The following SLC2A13 variants were observed in gnomAD, a reference collection of about 807,000 sequenced individuals.
SLC2A13 encodes proton myo-inositol cotransporter.
In SLC2A13, 32 loss-of-function variants were observed where a neutral mutation model predicts 64.4. That is an observed-to-expected ratio of 0.50 (90% confidence interval 0.37 to 0.67). SLC2A13 has a LOEUF of 0.67. Ranked by LOEUF, SLC2A13 falls within the 30% of genes least tolerant of loss-of-function variation. The pLI is 0.00. For missense variants in SLC2A13, 743 were observed against 829.2 expected (o/e 0.90, Z 1.28); for synonymous variants, 338 against 327.1 (o/e 1.03, Z -0.36).
chr12:39,828,926 T>C (rs2135845052), intron 7 of SLC2A13, among the ~76,000 whole-genome samples: 1 of 152,254 alleles, frequency 6.6e-6, no homozygotes, highest in African/African-American at 2.4e-5. Flanking sequence ...ATATTTAAAA[T>C]GTGGTCTGGA....
chr12:39,766,428 A>C (rs1314488410), intron 7 of SLC2A13, among the ~76,000 whole-genome samples: 1 of 152,098 alleles, frequency 6.6e-6, no homozygotes, highest in Non-Finnish European at 1.5e-5. Flanking sequence ...GCTAACGATC[A>C]TCTGCACCTT....
At chr12:39,778,567 T>G (rs1940861537) in intron 7 of SLC2A13, among the ~76,000 whole-genome samples, 1 of 152,238 alleles carries the variant, frequency 6.6e-6, no homozygotes, top group Non-Finnish European at 1.5e-5. Context: ...TTATTTTGTG[T>G]TATTTTGGTT....
At chr12:39,918,778 C>T (rs1178500214) in intron 4 of SLC2A13, among the ~76,000 whole-genome samples, 1 of 151,256 alleles carries the variant, frequency 6.6e-6, no homozygotes, top group Non-Finnish European at 1.5e-5. Context: ...CCTATAGTTC[C>T]AGCTACTTGG....
At chr12:39,884,507 A>G (rs1259442529) in intron 4 of SLC2A13, among the ~76,000 whole-genome samples, 1 of 152,232 alleles carries the variant, frequency 6.6e-6, no homozygotes, top group Non-Finnish European at 1.5e-5. Flanking sequence ...TTCATAGAAA[A>G]TAAGTACATC....
At chr12:40,048,841 T>C (rs2136238025) in intron 1 of SLC2A13, among the ~76,000 whole-genome samples, 1 of 152,290 alleles carries the variant, frequency 6.6e-6, no homozygotes, top group South Asian at 2.1e-4. Context: ...AGTTCTAACT[T>C]CACTGATAAC....
At chr12:39,979,849 G>GC (rs1946854767) in intron 3 of SLC2A13, among the ~76,000 whole-genome samples, 1 of 125,704 alleles carries the variant, frequency 8.0e-6, no homozygotes, top group African/African-American at 3.1e-5. Context: ...CTCGAGAAGA[G>GC]CAACTCCAAG....
At chr12:39,875,208 G>C (rs150810348) in intron 4 of SLC2A13, among the ~76,000 whole-genome samples, 4 of 152,178 alleles carry the variant, frequency 2.6e-5, no homozygotes, top group African/African-American at 9.7e-5. Context: ...TGTCAGTAGA[G>C]CTCTGTCCCT....
chr12:39,956,429 C>G (rs1306055487), intron 3 of SLC2A13, among the ~76,000 whole-genome samples: 1 of 152,134 alleles, frequency 6.6e-6, no homozygotes, highest in African/African-American at 2.4e-5. Context: ...GCTTTAAATA[C>G]ATGCTTTTTA....
intron 1 of SLC2A13, among the ~76,000 whole-genome samples, chr12:40,081,097 T>C (rs1419386844): frequency 1.3e-5 from 2 of 152,214 alleles, no homozygotes; most frequent in Non-Finnish European, 2.9e-5. Flanking sequence ...ATTCTCTTTG[T>C]ATATGACCTG....
intron 7 of SLC2A13, among the ~76,000 whole-genome samples, chr12:39,817,582 G>A (rs1942374080): frequency 6.6e-6 from 1 of 152,152 alleles, no homozygotes; most frequent in Non-Finnish European, 1.5e-5. Flanking sequence ...AAGGGGGTTA[G>A]TGAAACAAAG....
chr12:39,896,210 A>G (rs1944839882), intron 4 of SLC2A13, among the ~76,000 whole-genome samples: 1 of 148,556 alleles, frequency 6.7e-6, no homozygotes, highest in South Asian at 2.1e-4. Context: ...GTATACATGT[A>G]TATACGTATA....
chr12:39,896,234 G>A (rs562463085), intron 4 of SLC2A13, among the ~76,000 whole-genome samples: 1 of 99,652 alleles, frequency 1.0e-5, no homozygotes, highest in African/African-American at 3.6e-5. Flanking sequence ...ATATGCATAT[G>A]TGTATATATG....
At chr12:40,008,593 A>G (rs1006865586) in intron 3 of SLC2A13, among the ~76,000 whole-genome samples, 1 of 151,810 alleles carries the variant, frequency 6.6e-6, no homozygotes, top group Non-Finnish European at 1.5e-5. Context: ...CCTGGGCGAC[A>G]GAGCGAGACT....
chr12:40,083,543 T>A (rs975328126), intron 1 of SLC2A13, among the ~76,000 whole-genome samples: 1 of 152,144 alleles, frequency 6.6e-6, no homozygotes, highest in Non-Finnish European at 1.5e-5. Context: ...ACTACTGCCA[T>A]CACCACTGCA....
At chr12:39,785,389 C>G (rs549823444) in intron 7 of SLC2A13, among the ~76,000 whole-genome samples, 27 of 152,300 alleles carry the variant, frequency 1.8e-4, no homozygotes, top group African/African-American at 6.5e-4. Context: ...CCTGTGGGTG[C>G]ACAGAAGTCA....
At chr12:39,839,938 C>G (rs1943135034) in intron 6 of SLC2A13, among the ~76,000 whole-genome samples, 1 of 152,144 alleles carries the variant, frequency 6.6e-6, no homozygotes, top group Admixed American at 6.6e-5. Flanking sequence ...AAAACCTGAG[C>G]ATGATTGCAG....
chr12:40,078,104 T>C (rs1008831677), intron 1 of SLC2A13, among the ~76,000 whole-genome samples: 5 of 152,104 alleles, frequency 3.3e-5, no homozygotes, highest in African/African-American at 1.2e-4. Context: ...TAGATAGATA[T>C]GGTTTGACTT....
chr12:39,766,615 G>T (rs1015463024), intron 7 of SLC2A13, among the ~76,000 whole-genome samples: 5 of 151,990 alleles, frequency 3.3e-5, no homozygotes, highest in Non-Finnish European at 7.4e-5. Flanking sequence ...TCTGTAGCAT[G>T]CATTTTACCC....
intron 3 of SLC2A13, among the ~76,000 whole-genome samples, chr12:40,015,472 C>T (rs1333567323): frequency 6.6e-6 from 1 of 152,168 alleles, no homozygotes; most frequent in Non-Finnish European, 1.5e-5. Flanking sequence ...TAGAGCTTCT[C>T]AGCACAAATT....
Sources: gnomAD v4.1 joint callset for allele counts (sites outside exome capture counted in the v4.1 genomes callset) on GRCh38, gnomAD v4.1.1 for gene constraint, MANE v1.5 for transcripts, NCBI Gene and HGNC (gene_info 2026-07-23, HGNC 2026-07-21) for gene names.